The following TSPAN17 variants were observed in gnomAD, a reference collection of about 807,000 sequenced individuals.
TSPAN17 encodes tetraspanin-17.
A neutral mutation model predicts 40.5 loss-of-function variants in TSPAN17; 33 were observed. The ratio of observed to expected loss-of-function variants is 0.81; its 90% CI spans 0.62 to 1.09. The LOEUF (loss-of-function observed/expected upper bound fraction) is 1.09. Among genes scored for constraint, TSPAN17 ranks in the 50% least tolerant of loss-of-function variants. The probability of loss-of-function intolerance (pLI) is 0.00; values close to 1 mark genes in which losing one functional copy is unlikely to be tolerated. For missense variants in TSPAN17, 365 were observed against 416.8 expected (o/e 0.88, Z 1.08); for synonymous variants, 166 against 169.4 (o/e 0.98, Z 0.15).
intron 6 of TSPAN17, among the ~76,000 whole-genome samples, 174 bp downstream of exon 6, chr5:176,656,299 G>A (rs1761155837): frequency 1.3e-5 from 2 of 152,330 alleles, no homozygotes; most frequent in Admixed American, 1.3e-4. Flanking sequence ...CTGGGCCTGG[G>A]CAGATGTGGG....
intron 1 of TSPAN17, 82 bp downstream of exon 1, chr5:176,647,784 C>T: frequency 7.5e-7 from 1 of 1,336,042 alleles, no homozygotes; most frequent in East Asian, 2.9e-5. Flanking sequence ...GGAGACCACT[C>T]CCTGCCCCAA....
chr5:176,648,273 C>T (rs1473795800), intron 1 of TSPAN17, among the ~76,000 whole-genome samples: 3 of 152,202 alleles, frequency 2.0e-5, no homozygotes, highest in Non-Finnish European at 2.9e-5. Context: ...GGGACAATGG[C>T]GAGTCCTTGG....
At position 176,651,526 on chromosome 5, in the gene TSPAN17, G is replaced by C. The variant is rs1760961774; in HGVS notation, c.88-90G>C. ...AGCCCTTGTGCCTCTTCCTCTCTCC[G>C]CTGGAAAGGCCCTGGCTACCGGGGA... is the stretch of plus-strand genomic sequence containing the variant. On this transcript the variant is annotated intron_variant, in intron 1 of 8. Coordinates refer to ENST00000508164, the MANE Select transcript of TSPAN17 (RefSeq NM_130465.5). This position sits in a 1 kb window ranked among gnomAD's most constrained non-coding sequence, Gnocchi z 4.5. 1.4e-6 allele frequency: 2 copies of C among 1,415,310 alleles called. No individual in the cohort carries two copies. Among genetic ancestry groups the C allele is most frequent in the Admixed American group, 4.9e-5 (2 of 40,600 alleles). 87.7% of individuals were successfully genotyped at this position (1,415,310 alleles called of 1,614,324 possible).
At chr5:176,657,011 GC>G (rs1761183897) in intron 8 of TSPAN17, 55 bp downstream of exon 8, 14 of 1,571,026 alleles carry the variant, frequency 8.9e-6, no homozygotes, top group Admixed American at 1.7e-5. Context: ...CCTCTGGGGG[GC>G]CCCCCAGGAC....
At chr5:176,655,091 GC>G (rs1761103698) in intron 5 of TSPAN17, 71 bp downstream of exon 5, 1 of 1,518,216 alleles carries the variant, frequency 6.6e-7, no homozygotes, top group African/African-American at 1.4e-5. Context: ...CTCCCACAGG[GC>G]CCCGCTCCGC....
chr5:176,653,326 G>C (rs1326666733), intron 4 of TSPAN17: 1 of 167,162 alleles, frequency 6.0e-6, no homozygotes, highest in Non-Finnish European at 1.3e-5. Context: ...CCAACACTCT[G>C]TATTTTATTA....
rs1761256410 is a variant in TSPAN17, at chr5:176,658,837, G to A, written c.*1139G>A. ...AAACAAGGTGCAGGACCCAGCTTTG[G>A]CCCCATGCCCCTGTAGGTCCCTCTG... On this transcript the variant is annotated 3_prime_UTR_variant, in exon 9 of 9. Transcript: ENST00000508164. The A allele has an allele frequency of 6.6e-6, 1 of 152,284 alleles. No individual in the cohort carries two copies. Among genetic ancestry groups the A allele is most frequent in the South Asian group, 2.1e-4 (1 of 4,834 alleles). The allele number at this position is 152,284 out of a possible 1,614,324, so 9.4% of individuals were successfully genotyped here.
At position 176,656,064 on chromosome 5, in the gene TSPAN17, C is replaced by T; in HGVS notation, c.583-14C>T. 6.2e-7 allele frequency: 1 copy of T among 1,614,110 alleles called. No individual in the cohort carries two copies. The highest frequency in any genetic ancestry group is 1.1e-5 in the South Asian group (1 of 91,078). ...CGTCCTCACCAAGTCACTAACTGGC[C>T]TGTCTCCCCTCAGGAGGATGTCCTC... On this transcript the variant is annotated splice_polypyrimidine_tract_variant and intron_variant, in intron 5 of 8. Coordinates refer to ENST00000508164, the MANE Select transcript of TSPAN17 (RefSeq NM_130465.5).
rs914477560 is a variant in TSPAN17 at position 176,651,560 on chromosome 5, G to A, written c.88-56G>A. On this transcript the variant is annotated intron_variant, in intron 1 of 8. Coordinates refer to ENST00000508164, the MANE Select transcript of TSPAN17 (RefSeq NM_130465.5). This position sits in a 1 kb window ranked among gnomAD's most constrained non-coding sequence, Gnocchi z 4.5. ...GCCCTGGCTACCGGGGAAGGATGAG[G>A]GGGGAGGGTCCTGGGGCTGCTCCCA... 2 of 1,557,212 alleles carry A rather than the reference G, an allele frequency of 1.3e-6. No individual in the cohort carries two copies. Among genetic ancestry groups the A allele is most frequent in the South Asian group, 1.2e-5 (1 of 84,446 alleles).
intron 4 of TSPAN17, 84 bp downstream of exon 4, chr5:176,652,997 C>T (rs1208126552): frequency 3.4e-6 from 5 of 1,459,666 alleles, no homozygotes; most frequent in African/African-American, 2.8e-5. Context: ...TGTGATGGGA[C>T]CATCTCCTTA....
Position 176,647,554 on chromosome 5 carries a change from C to G in TSPAN17, c.-62C>G, listed in dbSNP as rs574991617. On this transcript the variant is annotated 5_prime_UTR_variant, in exon 1 of 9. Transcript: ENST00000508164. Reference sequence around the variant, plus strand: ...CCCGGGCGGCTCTAGCCCAGGGCGGCCCGCGGGGCGCTGGGCCTGGCTCCC... The same window carrying G: ...CCCGGGCGGCTCTAGCCCAGGGCGGGCCGCGGGGCGCTGGGCCTGGCTCCC... 198 of 1,466,894 alleles carry G rather than the reference C, an allele frequency of 1.3e-4. No individual in the cohort carries two copies. The South Asian group carries it at 2.4e-3, about 18-fold the overall frequency. The allele number at this position is 1,466,894 out of a possible 1,614,324, so 90.9% of individuals were successfully genotyped here. A position where few individuals can be genotyped will look rare whatever the true frequency, so the allele number is the denominator to read the frequency against.
Position 176,658,039 on chromosome 5 carries a change from A to T in TSPAN17, c.*341A>T. 1.7e-5 allele frequency: 3 copies of T among 177,142 alleles called. No homozygotes were observed. Among genetic ancestry groups the T allele is most frequent in the Non-Finnish European group, 2.3e-5 (2 of 85,238 alleles). The allele number at this position is 177,142 out of a possible 1,614,324, so 11.0% of individuals were successfully genotyped here. The stretch of plus-strand genomic sequence containing the variant: ...GCGGTGGGAGTAGAGTGCCCAGGAG[A>T]GGGTCTGAGGGGTGGGATGGGGGTC... On this transcript the variant is annotated 3_prime_UTR_variant, in exon 9 of 9. Transcript: ENST00000508164.
rs1561589708 is a variant in TSPAN17 at position 176,657,619 on chromosome 5, C to G, written c.911C>G (p.Pro304Arg). ...CAGCAGAACTCTCTGACTGGGGCCC[C>G]TGGCCCGGCCCCACCCAGCCGACAT... ...GPQQNSLTGAPGPAPPSRHVF... is the reference protein window; with the variant it reads ...GPQQNSLTGARGPAPPSRHVF... The change falls in exon 9 of 9, where the codon CCT (proline) becomes CGT (arginine). Residue 304 changes from proline to arginine, a missense_variant. Physicochemically the swap from Pro to Arg is moderately radical, Grantham distance 103 (BLOSUM62 -2). Transcript: ENST00000508164. 1.2e-6 allele frequency: 2 copies of G among 1,613,602 alleles called. No homozygotes were observed. Among genetic ancestry groups the G allele is most frequent in the East Asian group, 2.2e-5 (1 of 44,894 alleles).
At position 176,657,517 on chromosome 5, in the gene TSPAN17, G is replaced by T; in HGVS notation, c.810-1G>T. 6.3e-7 allele frequency: 1 copy of T among 1,577,550 alleles called. No homozygotes were observed. The highest frequency in any genetic ancestry group is 2.3e-5 in the East Asian group (1 of 42,796). ...TTTTCTTTCTCTTGCTTGCCTCTCA[G>T]GAGCAAATGGAATGATGACTTTGAA... On this transcript the variant is annotated splice_acceptor_variant, in intron 8 of 8. Coordinates refer to ENST00000508164, the MANE Select transcript of TSPAN17 (RefSeq NM_130465.5). LOFTEE classifies it high-confidence loss of function.
In TSPAN17 at chr5:176,652,836, C is replaced by G; in HGVS notation, c.379C>G (p.Leu127Val). 4.3e-6 allele frequency: 7 copies of G among 1,614,200 alleles called. No homozygotes were observed. The highest frequency in any genetic ancestry group is 5.9e-6 in the Non-Finnish European group (7 of 1,180,026). The change falls in exon 4 of 9, where the codon CTC (leucine) becomes GTC (valine). Residue 127 changes from leucine to valine, a missense_variant. Physicochemically the swap from Leu to Val is conservative, Grantham distance 32. Coordinates refer to ENST00000508164, the MANE Select transcript of TSPAN17 (RefSeq NM_130465.5). ...FKDWIRDQLN[L>V]FINNNVKAYR... ...GGACTGGATTCGAGACCAGCTCAAC[C>G]TCTTCATCAACAACAACGTCAAGGC...
In TSPAN17 at chr5:176,657,234, G is replaced by A. The variant is rs62402583; in HGVS notation, c.809+278G>A. ...CGTCTCGGCTACATTTGGGGTGGTG[G>A]ACTCTCCAGGGGACTAGGAAGGGCG... On this transcript the variant is annotated intron_variant, in intron 8 of 8. Transcript: ENST00000508164. 0.012 allele frequency: 7,243 copies of A among 629,368 alleles called. 88 individuals are homozygous for A. The highest frequency in any genetic ancestry group is 0.034 in the Middle Eastern group (77 of 2,282). The allele number at this position is 629,368 out of a possible 1,614,324, so 39.0% of individuals were successfully genotyped here.
At position 176,656,799 on chromosome 5, in the gene TSPAN17, G is replaced by T. The variant is rs370290062; in HGVS notation, c.730G>T (p.Gly244Cys). 17 of 1,614,064 alleles carry T rather than the reference G, an allele frequency of 1.1e-5. No homozygotes were observed. Among genetic ancestry groups the T allele is most frequent in the Admixed American group, 5.0e-5 (3 of 60,014 alleles). Residue 244 changes from glycine to cysteine, a missense_variant, in exon 7 of 9, where the codon GGC (glycine) becomes TGC (cysteine). Physicochemically the swap from Gly to Cys is radical, Grantham distance 159 (BLOSUM62 -3). Transcript: ENST00000508164. Reference protein sequence around the residue: ...NLIVVAGVFMGIALLQIFGIC... With the variant: ...NLIVVAGVFMCIALLQIFGIC... ...GATTGTGGTGGCGGGAGTCTTCATG[G>T]GCATCGCCCTCCTCCAGGTACCCTT...
At position 176,647,833 on chromosome 5, in the gene TSPAN17, A is replaced by ACCCACG. The variant is rs1489807408; in HGVS notation, c.87+137_87+142dup. On this transcript the variant is annotated intron_variant, in intron 1 of 8. Coordinates refer to ENST00000508164, the MANE Select transcript of TSPAN17 (RefSeq NM_130465.5). Reference sequence around the variant, plus strand: ...GGGACCATCCCCCCACTTCTGCCACACCCACGCCCACTTCCAGGACCACCC... The same window carrying ACCCACG: ...GGGACCATCCCCCCACTTCTGCCACACCCACGCCCACGCCCACTTCCAGGACCACCC... 4.8e-6 allele frequency: 4 copies of ACCCACG among 837,308 alleles called. No homozygotes were observed. The Middle Eastern group carries it at 8.8e-4, about 183-fold the overall frequency. 51.9% of individuals were successfully genotyped at this position (837,308 alleles called of 1,614,324 possible). A position where few individuals can be genotyped will look rare whatever the true frequency, so the allele number is the denominator to read the frequency against.
Position 176,651,954 on chromosome 5 carries a change from C to T in TSPAN17, c.285+54C>T. 1 of 1,604,962 alleles carries T rather than the reference C, an allele frequency of 6.2e-7. No individual in the cohort carries two copies. Among genetic ancestry groups the T allele is most frequent in the Non-Finnish European group, 8.5e-7 (1 of 1,175,662 alleles). On this transcript the variant is annotated intron_variant, in intron 3 of 8. Coordinates refer to ENST00000508164, the MANE Select transcript of TSPAN17 (RefSeq NM_130465.5). The surrounding 1 kb of genome is among the most constrained non-coding windows in gnomAD (Gnocchi z 4.5). The stretch of plus-strand genomic sequence containing the variant: ...AACCCCCATCTCCTCCCATCCAGTT[C>T]TTGCAATACAGTTGGAGCTTAATGA...
Sources: gnomAD v4.1 joint callset for allele counts (sites outside exome capture counted in the v4.1 genomes callset) on GRCh38, gnomAD v4.1.1 for gene constraint, Gnocchi (gnomAD v3.1) non-coding constraint, MANE v1.5 for transcripts, NCBI Gene and HGNC (gene_info 2026-07-23, HGNC 2026-07-21) for gene names.